The following TNFRSF9 variants were observed in gnomAD, a reference collection of about 807,000 sequenced individuals.
TNFRSF9 encodes the protein tumor necrosis factor receptor superfamily member 9.
In TNFRSF9, 16 loss-of-function variants were observed where a neutral mutation model predicts 28.8. The ratio of observed to expected loss-of-function variants is 0.55; its 90% CI spans 0.38 to 0.84. TNFRSF9 has a LOEUF of 0.84. Among genes scored for constraint, TNFRSF9 ranks in the 40% least tolerant of loss-of-function variants. The pLI is 0.00. For synonymous variants in TNFRSF9, 131 were observed against 117.0 expected (o/e 1.12, Z -0.77); for missense variants, 303 against 315.0 (o/e 0.96, Z 0.29).
chr1:7,920,664 G>T lies in TNFRSF9; in HGVS notation c.*171C>A, dbSNP rs1177432477. On this transcript the variant is annotated 3_prime_UTR_variant, in exon 8 of 8. Coordinates refer to ENST00000377507, the MANE Select transcript of TNFRSF9 (RefSeq NM_001561.6). ...AGACCCTGTCAAAAAAAAAAAAAAA[G>T]TGGTGCATTTTTAAAGGCCAACTCA... is the stretch of plus-strand genomic sequence containing the variant. 1.3e-5 allele frequency: 7 copies of T among 519,994 alleles called. No homozygotes were observed. The highest frequency in any genetic ancestry group is 3.4e-5 in the Admixed American group (1 of 29,552). 32.2% of individuals were successfully genotyped at this position (519,994 alleles called of 1,614,324 possible). A position where few individuals can be genotyped will look rare whatever the true frequency, so the allele number is the denominator to read the frequency against.
rs574867721 is a variant in TNFRSF9 at position 7,923,340 on chromosome 1, C to T, written c.680-2417G>A. The stretch of plus-strand genomic sequence containing the variant: ...CACGGCTGATTAAGGCTCATCTCCC[C>T]CTCCCTCCTGGGGTAGTGTCAGAGG... On this transcript the variant is annotated intron_variant, in intron 7 of 7. Transcript: ENST00000377507. Among the ~76,000 whole-genome samples, 9 of 152,342 alleles carry T rather than the reference C, an allele frequency of 5.9e-5. 1 individual carries two copies. In the South Asian group the frequency reaches 1.9e-3, roughly 32 times the overall value.
At chr1:7,936,079 CT>C (rs1639811414) in intron 5 of TNFRSF9, among the ~76,000 whole-genome samples, 1 of 152,154 alleles carries the variant, frequency 6.6e-6, no homozygotes, top group Non-Finnish European at 1.5e-5. Context: ...TGCAGACTCA[CT>C]TAACAACTCT....
At chr1:7,940,221 G>A in intron 1 of TNFRSF9, 143 bp from the exon 2 acceptor site, 1 of 381,630 alleles carries the variant, frequency 2.6e-6, no homozygotes, top group East Asian at 3.8e-5. Flanking sequence ...CGGAAAAGTA[G>A]CAGATTCATA....
In TNFRSF9 at chr1:7,928,835, C is replaced by T. The variant is rs9658013; in HGVS notation, c.679+4327G>A. On this transcript the variant is annotated intron_variant, in intron 7 of 7. Coordinates refer to ENST00000377507, the MANE Select transcript of TNFRSF9 (RefSeq NM_001561.6). ...CGGAGGTTGCAGCGAGTGGAGATCA[C>T]GCCACTGCACTCCAGCCTGAATGAC... Among the ~76,000 whole-genome samples the T allele has an allele frequency of 6.7e-3, 1,024 of 152,180 alleles. 12 individuals are homozygous for T. Among genetic ancestry groups the T allele is most frequent in the Middle Eastern group, 0.017 (5 of 292 alleles).
At chr1:7,928,879 A>G (rs1219265083) in intron 7 of TNFRSF9, among the ~76,000 whole-genome samples, 4 of 152,172 alleles carry the variant, frequency 2.6e-5, no homozygotes, top group African/African-American at 7.2e-5. Context: ...ATCCTGTCTC[A>G]AAAACAAACA....
chr1:7,938,884 G>A, intron 2 of TNFRSF9, 56 bp from the exon 3 acceptor site: 1 of 1,254,362 alleles, frequency 8.0e-7, no homozygotes, highest in Non-Finnish European at 1.1e-6. Flanking sequence ...CGTCACCCAA[G>A]GCATTCCGAA....
At chr1:7,928,694 C>T (rs754046323) in intron 7 of TNFRSF9, among the ~76,000 whole-genome samples, 13 of 151,974 alleles carry the variant, frequency 8.6e-5, no homozygotes, top group Non-Finnish European at 1.8e-4. Context: ...GAGTTCAAGA[C>T]CAGCCTGGCC....
intron 7 of TNFRSF9, among the ~76,000 whole-genome samples, chr1:7,922,896 T>TC (rs34238933): frequency 0.048 from 6,814 of 143,426 alleles, 522 homozygotes; most frequent in African/African-American, 0.16. Context: ...ACTACAAACT[T>TC]CTTTTTTTTT....
rs983310068 is a variant in TNFRSF9, at chr1:7,919,850, T to C, written c.*985A>G. 3.3e-5 allele frequency: 5 copies of C among 152,238 alleles called. No homozygotes were observed. The highest frequency in any genetic ancestry group is 1.2e-4 in the African/African-American group (5 of 41,456). The allele number at this position is 152,238 out of a possible 1,614,324, so 9.4% of individuals were successfully genotyped here. ...TTCTCACTGTACTTCATACCTATCA[T>C]ATGCAGTTCATTTATTGGCTTTGGT... is the stretch of plus-strand genomic sequence containing the variant. On this transcript the variant is annotated 3_prime_UTR_variant, in exon 8 of 8. Transcript: ENST00000377507.
At chr1:7,932,080 T>A (rs1323042285) in intron 7 of TNFRSF9, among the ~76,000 whole-genome samples, 1 of 152,078 alleles carries the variant, frequency 6.6e-6, no homozygotes, top group Non-Finnish European at 1.5e-5. Context: ...GAGGTTGCGG[T>A]AAGCCGGGAT....
chr1:7,921,197 G>A (rs1483773375), intron 7 of TNFRSF9, among the ~76,000 whole-genome samples: 13 of 151,936 alleles, frequency 8.6e-5, no homozygotes, highest in African/African-American at 2.4e-4. Context: ...TTAGCCGGGC[G>A]TGGTGGCAGG....
chr1:7,925,504 C>T (rs1639638813), intron 7 of TNFRSF9, among the ~76,000 whole-genome samples: 1 of 152,058 alleles, frequency 6.6e-6, no homozygotes. Flanking sequence ...TTTCCACGGA[C>T]TGGGTGGGTG....
intron 6 of TNFRSF9, among the ~76,000 whole-genome samples, chr1:7,933,876 G>C (rs551136911): frequency 4.6e-5 from 7 of 151,854 alleles, no homozygotes; most frequent in African/African-American, 1.7e-4. Flanking sequence ...AATTAGCTGG[G>C]TGCCGTGGTG....
intron 7 of TNFRSF9, among the ~76,000 whole-genome samples, chr1:7,921,437 G>A (rs1366098862): frequency 1.3e-5 from 2 of 152,098 alleles, no homozygotes; most frequent in African/African-American, 2.4e-5. Context: ...GGAGGCTGAG[G>A]CCGGTGGATC....
chr1:7,935,220 T>C lies in TNFRSF9; in HGVS notation c.414-77A>G, dbSNP rs1194802732. On this transcript the variant is annotated intron_variant, in intron 5 of 7. Coordinates refer to ENST00000377507, the MANE Select transcript of TNFRSF9 (RefSeq NM_001561.6). ...TTCTGGTTTAAAACTTTGTCATTTT[T>C]CACCCAATGAAGTAGCCTAGTGAAA... 20 of 1,521,674 alleles carry C rather than the reference T, an allele frequency of 1.3e-5. No individual in the cohort carries two copies. The South Asian group carries it at 1.3e-4, about 10-fold the overall frequency. The allele number at this position is 1,521,674 out of a possible 1,614,324, so 94.3% of individuals were successfully genotyped here.
At chr1:7,937,504 T>C (rs905862008) in intron 5 of TNFRSF9, among the ~76,000 whole-genome samples, 186 bp downstream of exon 5, 6 of 152,182 alleles carry the variant, frequency 3.9e-5, no homozygotes, top group African/African-American at 1.4e-4. Context: ...GCACTATTTC[T>C]GGAGAAAATG....
Position 7,937,676 on chromosome 1 carries a change from G to C in TNFRSF9, c.413+14C>G. The C allele has an allele frequency of 6.2e-7, 1 of 1,608,006 alleles. No homozygotes were observed. Among genetic ancestry groups the C allele is most frequent in the Middle Eastern group, 1.7e-4 (1 of 6,046 alleles). ...AGATTCTTTATTCCATAAACTAAAGGAAATTATACGTACTTTGTCCAGGGT... is the reference window on the plus strand; with the variant it reads ...AGATTCTTTATTCCATAAACTAAAGCAAATTATACGTACTTTGTCCAGGGT... On this transcript the variant is annotated intron_variant, in intron 5 of 7. Coordinates refer to ENST00000377507, the MANE Select transcript of TNFRSF9 (RefSeq NM_001561.6).
intron 2 of TNFRSF9, 71 bp downstream of exon 2, chr1:7,939,824 C>G: frequency 8.3e-7 from 1 of 1,202,284 alleles, no homozygotes; most frequent in Non-Finnish European, 1.2e-6. Flanking sequence ...CTCGTTAGCC[C>G]TGACTACTAG....
rs772618014 is a variant in TNFRSF9 at position 7,938,240 on chromosome 1, C to T, written c.299G>A (p.Ser100Asn). 8 of 1,607,668 alleles carry T rather than the reference C, an allele frequency of 5.0e-6. No homozygotes were observed. The East Asian group carries it at 1.6e-4, about 32-fold the overall frequency. ...PGFHCLGAGC[S>N]MCEQDCKQGQ... is the part of the protein sequence containing the mutation. ...TTGTTTACAATCCTGTTCACACATG[C>T]TGCATCCTGCCCCCAGGCAGTGAAA... Residue 100 changes from serine to asparagine, a missense_variant, in exon 4 of 8, where the codon AGC becomes AAC. Transcript: ENST00000377507.
Sources: gnomAD v4.1 joint callset for allele counts (sites outside exome capture counted in the v4.1 genomes callset) on GRCh38, gnomAD v4.1.1 for gene constraint, MANE v1.5 for transcripts, NCBI Gene and HGNC (gene_info 2026-07-23, HGNC 2026-07-21) for gene names.